The following DMXL2 variants were observed in gnomAD, a reference collection of about 807,000 sequenced individuals.
DMXL2 encodes dmX-like protein 2.
A neutral mutation model predicts 331.1 loss-of-function variants in DMXL2; 103 were observed. That is an observed-to-expected ratio of 0.31 (90% CI 0.27 to 0.37). DMXL2 has a LOEUF of 0.37. DMXL2 is among the 10% of genes least tolerant of loss of function. The pLI is 1.00. For synonymous variants in DMXL2, 1,281 were observed against 1,252.1 expected, an observed-to-expected ratio of 1.02 and a Z score of -0.49; for missense variants, 3,171 against 3,642.9, an observed-to-expected ratio of 0.87 and a Z score of 3.33.
At chr15:51,574,498 C>G (rs2050883099) in intron 2 of DMXL2, among the ~76,000 whole-genome samples, 1 of 152,108 alleles carries the variant, frequency 6.6e-6, no homozygotes, top group South Asian at 2.1e-4. Flanking sequence ...AACTCTTATC[C>G]AACATCTAAC....
intron 16 of DMXL2, among the ~76,000 whole-genome samples, chr15:51,505,805 T>C (rs932524673): frequency 7.2e-5 from 11 of 152,184 alleles, no homozygotes; most frequent in African/African-American, 2.7e-4. Context: ...AAAAGTTGTA[T>C]AAAATCAATT....
intron 1 of DMXL2, among the ~76,000 whole-genome samples, chr15:51,604,984 A>G (rs112616199): frequency 6.6e-6 from 1 of 152,168 alleles, no homozygotes; most frequent in Non-Finnish European, 1.5e-5. Context: ...AGGCAATTCA[A>G]TGGAGAAAGG....
chr15:51,564,349 T>G (rs1294013614), intron 4 of DMXL2, 89 bp from the exon 5 acceptor site: 4 of 997,510 alleles, frequency 4.0e-6, no homozygotes, highest in African/African-American at 3.4e-5. Context: ...TGTAAACTAT[T>G]AATATTATGT....
At chr15:51,608,095 G>C (rs145038225) in intron 1 of DMXL2, among the ~76,000 whole-genome samples, 1 of 151,928 alleles carries the variant, frequency 6.6e-6, no homozygotes, top group South Asian at 2.1e-4. Context: ...TGAGGCAGGA[G>C]AACCACGTGA....
chr15:51,572,755 T>C (rs1299950720), intron 2 of DMXL2, among the ~76,000 whole-genome samples: 1 of 152,112 alleles, frequency 6.6e-6, no homozygotes, highest in Admixed American at 6.5e-5. Context: ...CTAAAAACTC[T>C]CAATAAACTA....
intron 13 of DMXL2, among the ~76,000 whole-genome samples, chr15:51,521,036 T>C (rs187193623): frequency 1.3e-5 from 2 of 152,320 alleles, no homozygotes; most frequent in Admixed American, 6.5e-5. Flanking sequence ...CTTATTTTTA[T>C]AAAAACATTC....
rs759451054 is a variant in DMXL2, at chr15:51,498,797, T to C, written c.4427A>G (p.Asp1476Gly). The change falls in exon 18 of 44, where the codon GAT (aspartate) becomes GGT (glycine). Residue 1476 changes from aspartate to glycine, a missense_variant. By Grantham distance (94) the Asp-to-Gly change is moderately conservative. Around this residue, in one of 7 missense-constraint regions of DMXL2, gnomAD observed 1,674 missense variants for 1,780.2 expected, o/e 0.94. Transcript: ENST00000560891. ...TAAATCAATATCATCCGTTGGTATATCCTGGATTTGAAACAGCTCTGAATA... is the reference window on the plus strand; with the variant it reads ...TAAATCAATATCATCCGTTGGTATACCCTGGATTTGAAACAGCTCTGAATA... ...DQYSELFQIQ[D>G]IPTDDIDLEP... 1.5e-5 allele frequency: 25 copies of C among 1,614,080 alleles called. No homozygotes were observed. The highest frequency in any genetic ancestry group is 1.4e-5 in the Non-Finnish European group (16 of 1,180,028).
intron 6 of DMXL2, among the ~76,000 whole-genome samples, chr15:51,557,321 C>T (rs61319463): frequency 4.2e-4 from 64 of 151,770 alleles, no homozygotes; most frequent in African/African-American, 1.5e-3. Context: ...GGAATTAATC[C>T]CAAAAGATAT....
In DMXL2 at chr15:51,460,596, A is replaced by AT. The variant is rs532551483; in HGVS notation, c.7927-937dup. 7.8e-4 allele frequency: 123 copies of AT among 157,206 alleles called. 1 individual carries two copies. Among genetic ancestry groups the AT allele is most frequent in the African/African-American group, 2.2e-3 (93 of 41,574 alleles). The allele number at this position is 157,206 out of a possible 1,614,324, so 9.7% of individuals were successfully genotyped here. ...TATATAACTTCAGCATTTCTCAGGGATTTTTTTTAAATGCACCCAGCATTT... is the reference window on the plus strand; with the variant it reads ...TATATAACTTCAGCATTTCTCAGGGATTTTTTTTTAAATGCACCCAGCATTT... On this transcript the variant is annotated intron_variant, in intron 33 of 43. Transcript: ENST00000560891.
At chr15:51,621,582 G>A (rs1186375062) in intron 1 of DMXL2, among the ~76,000 whole-genome samples, 1 of 152,106 alleles carries the variant, frequency 6.6e-6, no homozygotes, top group Non-Finnish European at 1.5e-5. Flanking sequence ...AAGCTCCAAG[G>A]CTTGGTTTAA....
chr15:51,557,581 T>TA (rs1256152556), intron 6 of DMXL2, among the ~76,000 whole-genome samples: 1 of 151,990 alleles, frequency 6.6e-6, no homozygotes, highest in Admixed American at 6.6e-5. Context: ...AAGACGATCT[T>TA]AAAAAAGAAA....
Position 51,536,147 on chromosome 15 carries a change from A to G in DMXL2, c.2314+19T>C, listed in dbSNP as rs1482033423. 3 of 1,519,782 alleles carry G rather than the reference A, an allele frequency of 2.0e-6. No individual in the cohort carries two copies. The African/African-American group carries it at 4.2e-5, about 21-fold the overall frequency. 94.1% of individuals were successfully genotyped at this position (1,519,782 alleles called of 1,614,324 possible). The stretch of plus-strand genomic sequence containing the variant: ...GTTTAAAAGCTTGTGTTAATTTCAC[A>G]ATTACAATGAACACTTACCTAGACA... On this transcript the variant is annotated intron_variant, in intron 12 of 43. Transcript: ENST00000560891.
rs1237067239 is a variant in DMXL2, at chr15:51,495,154, T to C, written c.4673-20A>G. ...CTCTTCCTGTAATTTAAACAGGAAA[T>C]ATGTTTAAGGAAAAAAGAATGCAAG... On this transcript the variant is annotated intron_variant, in intron 18 of 43. Coordinates refer to ENST00000560891, the MANE Select transcript of DMXL2 (RefSeq NM_001378457.1). 2 of 1,516,868 alleles carry C rather than the reference T, an allele frequency of 1.3e-6. No homozygotes were observed. Among genetic ancestry groups the C allele is most frequent in the South Asian group, 1.1e-5 (1 of 88,278 alleles). The allele number at this position is 1,516,868 out of a possible 1,614,324, so 94.0% of individuals were successfully genotyped here. A position where few individuals can be genotyped will look rare whatever the true frequency, so the allele number is the denominator to read the frequency against.
chr15:51,550,956 G>A (rs1254443584), intron 6 of DMXL2, among the ~76,000 whole-genome samples: 4 of 152,008 alleles, frequency 2.6e-5, no homozygotes, highest in South Asian at 2.1e-4. Context: ...AAAAATCCTG[G>A]AAGTAATTGA....
chr15:51,562,009 T>C (rs2050002364), intron 6 of DMXL2, among the ~76,000 whole-genome samples: 1 of 152,184 alleles, frequency 6.6e-6, no homozygotes, highest in African/African-American at 2.4e-5. Context: ...GGTTAATTGG[T>C]ACAAATACAC....
intron 19 of DMXL2, among the ~76,000 whole-genome samples, chr15:51,492,906 A>C (rs7168740): frequency 0.012 from 1,768 of 152,342 alleles, 27 homozygotes; most frequent in East Asian, 0.026. Context: ...TTTTGTACAT[A>C]GTTTAAAGCT....
Position 51,572,289 on chromosome 15 carries a change from AT to A in DMXL2, c.214-3732del, listed in dbSNP as rs1412420607. On this transcript the variant is annotated intron_variant, in intron 2 of 43. Transcript: ENST00000560891. Reference sequence around the variant, plus strand: ...AAGAGGTTCTGAAATTGAGGCAATAATTAATAGCCTACCAACCAAAAAAAGT... The same window carrying A: ...AAGAGGTTCTGAAATTGAGGCAATAATAATAGCCTACCAACCAAAAAAAGT... Among the ~76,000 whole-genome samples the A allele has an allele frequency of 2.8e-5, 4 of 142,726 alleles. No individual in the cohort carries two copies. The South Asian group carries it at 6.8e-4, about 24-fold the overall frequency. The allele number at this position is 142,726 out of a possible 152,430, so 93.6% of individuals were successfully genotyped here. A position where few individuals can be genotyped will look rare whatever the true frequency, so the allele number is the denominator to read the frequency against.
chr15:51,536,185 G>A lies in DMXL2; in HGVS notation c.2295C>T (p.Leu765=), dbSNP rs754391139. 2 of 1,591,156 alleles carry A rather than the reference G, an allele frequency of 1.3e-6. No individual in the cohort carries two copies. Among genetic ancestry groups the A allele is most frequent in the African/African-American group, 1.4e-5 (1 of 73,908 alleles). The change falls in exon 12 of 44, where the codon CTC becomes CTT. Residue 765 remains leucine, a synonymous_variant. Coordinates refer to ENST00000560891, the MANE Select transcript of DMXL2 (RefSeq NM_001378457.1). ...AFSNVAWLPT[L]IPSYCLGTYC... Reference sequence around the variant, plus strand: ...ACTTACCTAGACAGTAACTGGGAATGAGAGTTGGAAGCCAAGCCACATTAG... The same window carrying A: ...ACTTACCTAGACAGTAACTGGGAATAAGAGTTGGAAGCCAAGCCACATTAG...
intron 1 of DMXL2, among the ~76,000 whole-genome samples, chr15:51,613,685 G>C (rs955153743): frequency 6.6e-6 from 1 of 152,034 alleles, no homozygotes; most frequent in Non-Finnish European, 1.5e-5. Flanking sequence ...TGAATTCTTT[G>C]GGGTTTTTAT....
Sources: allele counts gnomAD v4.1 joint callset (sites outside exome capture counted in the v4.1 genomes callset), GRCh38; gene constraint gnomAD v4.1.1; regional missense constraint gnomAD v4.1.1; transcripts MANE v1.5; gene names NCBI Gene and HGNC (gene_info 2026-07-23, HGNC 2026-07-21).